The following SUGCT variants were observed in gnomAD, a reference collection of about 807,000 sequenced individuals.
SUGCT encodes succinyl-CoA:glutarate-CoA transferase, also known as succinyl-CoA:glutarate CoA-transferase.
Under a neutral mutation model 55.0 loss-of-function variants are expected in SUGCT, and 41 were observed. The observed-to-expected ratio is 0.74, with a 90% CI of 0.58 to 0.97. The LOEUF is 0.97. Among genes scored for constraint, SUGCT ranks in the 50% least tolerant of loss-of-function variants. The probability of loss-of-function intolerance (pLI) is 0.00; values close to 1 mark genes in which losing one functional copy is unlikely to be tolerated. For synonymous variants in SUGCT, 187 were observed against 200.4 expected (o/e 0.93, Z 0.56); for missense variants, 568 against 547.8 (o/e 1.04, Z -0.37).
At chr7:40,215,679 G>C (rs1031878413) in intron 6 of SUGCT, among the ~76,000 whole-genome samples, 1 of 151,954 alleles carries the variant, frequency 6.6e-6, no homozygotes, top group South Asian at 2.1e-4. Flanking sequence ...TGGCTAACAC[G>C]GTGAAACCCC....
At chr7:41,015,656 G>A in the SUGCT span, among the ~76,000 whole-genome samples, 1 of 152,146 alleles carries the variant, frequency 6.6e-6, no homozygotes, top group Non-Finnish European at 1.5e-5. Flanking sequence ...GCTATTTGTA[G>A]TCAACTGCAT....
intron 12 of SUGCT, among the ~76,000 whole-genome samples, chr7:40,655,703 A>T (rs1038412197): frequency 6.6e-6 from 1 of 152,188 alleles, no homozygotes. Context: ...GGGGTAGGGG[A>T]CAGTGGTGAA....
chr7:40,876,287 A>G, the SUGCT span, among the ~76,000 whole-genome samples: 1 of 152,158 alleles, frequency 6.6e-6, no homozygotes, highest in Admixed American at 6.5e-5. Context: ...GGGCAAATTG[A>G]AAATTAGATT....
At chr7:40,854,869 G>A (rs6952729) in intron 13 of SUGCT, among the ~76,000 whole-genome samples, 10 of 151,724 alleles carry the variant, frequency 6.6e-5, no homozygotes, top group African/African-American at 1.7e-4. Context: ...CCAGGAGCTC[G>A]AGGCCGCAGT....
chr7:40,413,597 A>G (rs964446827), intron 9 of SUGCT, among the ~76,000 whole-genome samples: 2 of 152,238 alleles, frequency 1.3e-5, no homozygotes, highest in South Asian at 4.1e-4. Context: ...TATTTCTCAC[A>G]ACATCTGTAT....
At chr7:40,195,764 G>T (rs1383358957) in intron 6 of SUGCT, among the ~76,000 whole-genome samples, 1 of 131,752 alleles carries the variant, frequency 7.6e-6, no homozygotes, top group African/African-American at 2.8e-5. Flanking sequence ...GCCCAGCCTG[G>T]AGTTTAGTGG....
At chr7:41,036,793 C>T in the SUGCT span, among the ~76,000 whole-genome samples, 20 of 152,338 alleles carry the variant, frequency 1.3e-4, no homozygotes, top group African/African-American at 4.8e-4. Flanking sequence ...TCATATCTCT[C>T]TCCAAACTCC....
At chr7:40,939,050 C>T in the SUGCT span, among the ~76,000 whole-genome samples, 1 of 152,094 alleles carries the variant, frequency 6.6e-6, no homozygotes, top group Non-Finnish European at 1.5e-5. Flanking sequence ...AGTCCATTTC[C>T]ATGCTGCTGA....
the SUGCT span, among the ~76,000 whole-genome samples, chr7:40,932,244 T>G: frequency 6.6e-6 from 1 of 152,218 alleles, no homozygotes; most frequent in African/African-American, 2.4e-5. Flanking sequence ...TTGAGTGAGT[T>G]TCTTAATCCT....
intron 13 of SUGCT, among the ~76,000 whole-genome samples, chr7:40,794,811 G>T (rs1219760016): frequency 6.6e-6 from 1 of 151,830 alleles, no homozygotes; most frequent in Non-Finnish European, 1.5e-5. Flanking sequence ...ATATTTTCAG[G>T]ATAGTTAGTC....
intron 1 of SUGCT, among the ~76,000 whole-genome samples, chr7:40,164,777 C>T (rs1048341313): frequency 6.6e-6 from 1 of 152,124 alleles, no homozygotes; most frequent in African/African-American, 2.4e-5. Flanking sequence ...CATGAATTTC[C>T]ATGATGAACA....
intron 12 of SUGCT, among the ~76,000 whole-genome samples, chr7:40,689,628 A>T (rs1784603493): frequency 6.6e-6 from 1 of 152,180 alleles, no homozygotes; most frequent in Admixed American, 6.5e-5. Flanking sequence ...TTCTAGTGGA[A>T]TCCTGGTGCA....
intron 13 of SUGCT, among the ~76,000 whole-genome samples, chr7:40,845,192 A>G (rs763856601): frequency 2.0e-5 from 3 of 152,320 alleles, no homozygotes; most frequent in Admixed American, 6.5e-5. Flanking sequence ...AGATAATGCA[A>G]TTAGAAAGTG....
At chr7:40,295,914 CT>C (rs1794111193) in intron 8 of SUGCT, among the ~76,000 whole-genome samples, 1 of 152,176 alleles carries the variant, frequency 6.6e-6, no homozygotes, top group Non-Finnish European at 1.5e-5. Flanking sequence ...GTAGGTGCTG[CT>C]GATGGCAGAA....
At chr7:40,907,540 G>A in the SUGCT span, among the ~76,000 whole-genome samples, 1 of 152,102 alleles carries the variant, frequency 6.6e-6, no homozygotes, top group African/African-American at 2.4e-5. Context: ...TATATGCATT[G>A]CCTCATCTAA....
At chr7:40,970,004 A>G in the SUGCT span, among the ~76,000 whole-genome samples, 1 of 152,214 alleles carries the variant, frequency 6.6e-6, no homozygotes, top group Non-Finnish European at 1.5e-5. Context: ...AAAAATGTCT[A>G]AAGCAACATT....
At chr7:40,178,082 G>A (rs1446326939) in intron 1 of SUGCT, among the ~76,000 whole-genome samples, 1 of 152,190 alleles carries the variant, frequency 6.6e-6, no homozygotes, top group Non-Finnish European at 1.5e-5. Flanking sequence ...GTTTGAATCA[G>A]GCTCTAAGTG....
At chr7:40,377,211 T>TA (rs1784631876) in intron 9 of SUGCT, among the ~76,000 whole-genome samples, 1 of 16,804 alleles carries the variant, frequency 6.0e-5, no homozygotes, top group Non-Finnish European at 2.4e-4. Context: ...TTCTTTTCTT[T>TA]TCTTTCTTTT....
intron 1 of SUGCT, among the ~76,000 whole-genome samples, chr7:40,147,962 G>T (rs937939940): frequency 6.6e-5 from 10 of 152,272 alleles, no homozygotes; most frequent in Non-Finnish European, 1.5e-4. Flanking sequence ...CTTGGACAAG[G>T]GAGGGGAAGG....
Sources: gnomAD v4.1 joint callset for allele counts (sites outside exome capture counted in the v4.1 genomes callset) on GRCh38, gnomAD v4.1.1 for gene constraint, MANE v1.5 for transcripts, NCBI Gene and HGNC (gene_info 2026-07-23, HGNC 2026-07-21) for gene names.